The following PATL2 variants were observed in gnomAD, a reference collection of about 807,000 sequenced individuals.
PATL2 encodes PAT1 homolog 2.
Under a neutral mutation model 77.0 loss-of-function variants are expected in PATL2, and 73 were observed. The observed-to-expected ratio is 0.95, with a 90% CI of 0.78 to 1.15. PATL2 has a LOEUF of 1.15. PATL2 is among the 50% of genes most tolerant of loss of function. The pLI is 0.00. For synonymous variants in PATL2, 265 were observed against 257.1 expected (o/e 1.03, Z -0.29); for missense variants, 618 against 655.4 (o/e 0.94, Z 0.62).
At chr15:44,685,256 T>G (rs1337123829) in intron 3 of PATL2, among the ~76,000 whole-genome samples, 1 of 152,136 alleles carries the variant, frequency 6.6e-6, no homozygotes, top group Non-Finnish European at 1.5e-5. Flanking sequence ...AATATTAACC[T>G]TAAATGTAAA....
rs770437494 is a variant in PATL2 at position 44,665,843 on chromosome 15, T to TA, written c.*109dup. ...AAATGGGGAAGGGTTCTCCAATATA[T>TA]AAAGGCATAAGAAATGTCTTCAGAC... On this transcript the variant is annotated 3_prime_UTR_variant, in exon 18 of 18. Transcript: ENST00000682850. 1.3e-6 allele frequency: 2 copies of TA among 1,544,832 alleles called. No individual in the cohort carries two copies. The highest frequency in any genetic ancestry group is 1.2e-5 in the South Asian group (1 of 83,104).
In PATL2 at chr15:44,672,049, C is replaced by A; in HGVS notation, c.623G>T (p.Ser208Ile). ...VIKVQMVQLQSAKPRLDDYYY... is the reference protein window; with the variant it reads ...VIKVQMVQLQIAKPRLDDYYY... ...GTAGTCATCCAGGCGGGGTTTTGCA[C>A]TCTGCAGCTGCACCATCTGCACTTT... The change falls in exon 9 of 18, where the codon AGT (serine) becomes ATT (isoleucine). Residue 208 changes from serine (S) to isoleucine (I), a missense_variant. Physicochemically the swap from Ser to Ile is moderately radical, Grantham distance 142 (BLOSUM62 -2). Transcript: ENST00000682850. 6.4e-7 allele frequency: 1 copy of A among 1,551,718 alleles called. No homozygotes were observed. The highest frequency in any genetic ancestry group is 8.7e-7 in the Non-Finnish European group (1 of 1,146,996).
intron 15 of PATL2, 81 bp from the exon 16 acceptor site, chr15:44,667,284 A>G (rs1048356140): frequency 1.0e-6 from 1 of 998,972 alleles, no homozygotes; most frequent in South Asian, 1.4e-5. Flanking sequence ...TATCTTCCCA[A>G]CTAAAGGACA....
At chr15:44,676,651 C>T (rs2085971027) in intron 3 of PATL2, 86 bp from the exon 4 acceptor site, 16 of 1,330,178 alleles carry the variant, frequency 1.2e-5, no homozygotes, top group South Asian at 8.0e-5. Context: ...ATCCTCCCAG[C>T]AAGATGGTTA....
chr15:44,672,382 C>T lies in PATL2; in HGVS notation c.515+6G>A, dbSNP rs374952072. On this transcript the variant is annotated splice_donor_region_variant and intron_variant, in intron 8 of 17. Transcript: ENST00000682850. ...CCCTCAACCCTGCTCCTGGTCTGGG[C>T]TTTACCTTGGTGTTTGACTATGCTG... The T allele has an allele frequency of 1.8e-4, 280 of 1,551,584 alleles. 2 individuals carry two copies. In the African/African-American group the frequency reaches 3.5e-3, roughly 19 times the overall value.
At position 44,684,157 on chromosome 15, in the gene PATL2, G is replaced by C. The variant is rs139149873; in HGVS notation, c.-75-7592C>G. On this transcript the variant is annotated intron_variant, in intron 3 of 17. Transcript: ENST00000682850. ...GATGAGGAAAAACCAGCACAAAAAGGCTGAAAATTCTAAAAACCAGAACAT... is the reference window on the plus strand; with the variant it reads ...GATGAGGAAAAACCAGCACAAAAAGCCTGAAAATTCTAAAAACCAGAACAT... 1.6e-4 allele frequency among the ~76,000 whole-genome samples: 25 copies of C among 151,884 alleles called. No homozygotes were observed. In the East Asian group the frequency reaches 3.1e-3, roughly 19 times the overall value.
At chr15:44,673,100 GAGA>G in intron 7 of PATL2, 132 bp downstream of exon 7, 2 of 1,186,274 alleles carry the variant, frequency 1.7e-6, no homozygotes. Flanking sequence ...ATTTGTGAGG[GAGA>G]CGGAATTAGA....
At position 44,665,836 on chromosome 15, in the gene PATL2, C is replaced by T. The variant is rs1436137795; in HGVS notation, c.*117G>A. 1 of 1,537,408 alleles carries T rather than the reference C, an allele frequency of 6.5e-7. No homozygotes were observed. The highest frequency in any genetic ancestry group is 8.8e-7 in the Non-Finnish European group (1 of 1,142,320). On this transcript the variant is annotated 3_prime_UTR_variant, in exon 18 of 18. Coordinates refer to ENST00000682850, the MANE Select transcript of PATL2 (RefSeq NM_001387263.1). ...GATATGAAAATGGGGAAGGGTTCTC[C>T]AATATATAAAGGCATAAGAAATGTC...
At chr15:44,668,055 T>C (rs576610826) in intron 15 of PATL2, among the ~76,000 whole-genome samples, 1 of 152,330 alleles carries the variant, frequency 6.6e-6, no homozygotes, top group African/African-American at 2.4e-5. Flanking sequence ...GAAAGGGGTA[T>C]ACAAGAGTTT....
At chr15:44,679,480 G>A (rs145193155) in intron 3 of PATL2, among the ~76,000 whole-genome samples, 1,890 of 150,932 alleles carry the variant, frequency 0.013, 49 homozygotes, top group African/African-American at 0.044. Flanking sequence ...CACTTACCTC[G>A]GCCTCCCAAA....
intron 3 of PATL2, among the ~76,000 whole-genome samples, chr15:44,686,408 A>G (rs2086258499): frequency 6.6e-6 from 1 of 152,250 alleles, no homozygotes; most frequent in African/African-American, 2.4e-5. Flanking sequence ...CATTTAAAGC[A>G]GTGTTTAAAG....
Position 44,673,136 on chromosome 15 carries a change from T to A in PATL2, c.446+99A>T, listed in dbSNP as rs560758502. The A allele has an allele frequency of 2.2e-6, 3 of 1,385,742 alleles. No homozygotes were observed. The East Asian group carries it at 7.5e-5, about 35-fold the overall frequency. The allele number at this position is 1,385,742 out of a possible 1,614,324, so 85.8% of individuals were successfully genotyped here. On this transcript the variant is annotated intron_variant, in intron 7 of 17. Transcript: ENST00000682850. ...AGACTATACCTCAGACTTCTCTTACTAGTTTTCTGTGTTTCCCTGTGGCAA... is the reference window on the plus strand; with the variant it reads ...AGACTATACCTCAGACTTCTCTTACAAGTTTTCTGTGTTTCCCTGTGGCAA...
Position 44,665,881 on chromosome 15 carries a change from T to C in PATL2, c.*72A>G, listed in dbSNP as rs1381522405. ...AATGTCTTCAGACTCTCTGGATCCC[T>C]GTAAACATAGTCTATGTAGCTAGTG... On this transcript the variant is annotated 3_prime_UTR_variant, in exon 18 of 18. Coordinates refer to ENST00000682850, the MANE Select transcript of PATL2 (RefSeq NM_001387263.1). The C allele has an allele frequency of 6.5e-7, 1 of 1,550,344 alleles. No homozygotes were observed. Among genetic ancestry groups the C allele is most frequent in the South Asian group, 1.2e-5 (1 of 84,000 alleles).
intron 3 of PATL2, among the ~76,000 whole-genome samples, chr15:44,701,131 T>C (rs752128899): frequency 9.2e-5 from 14 of 152,208 alleles, no homozygotes; most frequent in African/African-American, 2.9e-4. Flanking sequence ...TTGGTCATGA[T>C]GAATGATTTT....
intron 3 of PATL2, 192 bp from the exon 4 acceptor site, chr15:44,676,757 A>G: frequency 7.9e-7 from 1 of 1,262,204 alleles, no homozygotes; most frequent in Non-Finnish European, 1.0e-6. Flanking sequence ...GAGCTGTCCC[A>G]CAAAGGGACA....
rs1186404397 is a variant in PATL2, at chr15:44,685,953, A to G, written c.-75-9388T>C. On this transcript the variant is annotated intron_variant, in intron 3 of 17. Coordinates refer to ENST00000682850, the MANE Select transcript of PATL2 (RefSeq NM_001387263.1). ...AAGAGACTTAGACTCCCACACAATAATAGTGGGAGACTTTAACACCCCACT... is the reference window on the plus strand; with the variant it reads ...AAGAGACTTAGACTCCCACACAATAGTAGTGGGAGACTTTAACACCCCACT... 4.6e-5 allele frequency among the ~76,000 whole-genome samples: 7 copies of G among 152,324 alleles called. No individual in the cohort carries two copies. The East Asian group carries it at 1.3e-3, about 29-fold the overall frequency.
At chr15:44,697,352 G>C (rs916224247) in intron 3 of PATL2, 1 of 152,084 alleles carries the variant, frequency 6.6e-6, no homozygotes, top group Admixed American at 6.6e-5. Flanking sequence ...ATCAAGTGAA[G>C]CAGTGGAAGT....
At chr15:44,694,968 C>G (rs953102539) in intron 3 of PATL2, among the ~76,000 whole-genome samples, 3 of 151,994 alleles carry the variant, frequency 2.0e-5, no homozygotes, top group Non-Finnish European at 2.9e-5. Flanking sequence ...TCCACCACCC[C>G]CTAAAAGCAG....
Position 44,669,414 on chromosome 15 carries a change from C to T in PATL2, c.931-1G>A, listed in dbSNP as rs2085549667. On this transcript the variant is annotated splice_acceptor_variant, in intron 12 of 17. Transcript: ENST00000682850. LOFTEE classifies it high-confidence loss of function. Reference sequence around the variant, plus strand: ...CTATTTCTAGTAACTGAAGGAACATCTGGGAATTTGAGGGTGGAAAAAAGA... The same window carrying T: ...CTATTTCTAGTAACTGAAGGAACATTTGGGAATTTGAGGGTGGAAAAAAGA... 3 of 1,549,036 alleles carry T rather than the reference C, an allele frequency of 1.9e-6. No homozygotes were observed. The highest frequency in any genetic ancestry group is 2.6e-6 in the Non-Finnish European group (3 of 1,144,862).
Sources: gnomAD v4.1 joint callset for allele counts (sites outside exome capture counted in the v4.1 genomes callset) on GRCh38, gnomAD v4.1.1 for gene constraint, MANE v1.5 for transcripts, NCBI Gene and HGNC (gene_info 2026-07-23, HGNC 2026-07-21) for gene names.